DPCD: variants seen among roughly 807,000 people sequenced by gnomAD.
DPCD encodes the protein protein DPCD.
Under a neutral mutation model 26.4 loss-of-function variants are expected in DPCD, and 20 were observed. The ratio of observed to expected loss-of-function variants is 0.76; its 90% confidence interval spans 0.53 to 1.10. The LOEUF is 1.10. DPCD is among the 50% of genes least tolerant of loss of function. The pLI is 0.00. For synonymous variants in DPCD, 97 were observed against 94.2 expected (o/e 1.03, Z -0.17); for missense variants, 202 against 253.9 (o/e 0.80, Z 1.39).
At chr10:101,599,983 G>A (rs2063681161) in intron 2 of DPCD, among the ~76,000 whole-genome samples, 3 of 152,162 alleles carry the variant, frequency 2.0e-5, no homozygotes, top group African/African-American at 7.2e-5. Flanking sequence ...CATTCAACTA[G>A]TTTCTTGATT....
At chr10:101,602,969 C>A (rs9420863) in intron 4 of DPCD, among the ~76,000 whole-genome samples, 5,975 of 152,340 alleles carry the variant, frequency 0.039, 375 homozygotes, top group African/African-American at 0.13. Context: ...CCATAGGTGG[C>A]GCTGTTGGCC....
chr10:101,605,115 A>T (rs1319449419), intron 4 of DPCD: 1 of 1,550,490 alleles, frequency 6.4e-7, no homozygotes, highest in Non-Finnish European at 8.7e-7. Context: ...ATGTTTAAGA[A>T]GATTTGCTTG....
At chr10:101,594,509 G>A in intron 1 of DPCD, 149 bp from the exon 2 acceptor site, 1 of 686,400 alleles carries the variant, frequency 1.5e-6, no homozygotes. Flanking sequence ...AGTAATGGTG[G>A]GTGGTGGTTG....
intron 4 of DPCD, among the ~76,000 whole-genome samples, chr10:101,608,082 G>A (rs1296511274): frequency 6.6e-6 from 1 of 152,132 alleles, no homozygotes; most frequent in East Asian, 1.9e-4. Context: ...ATTACAGACT[G>A]GGTGTTGCCA....
chr10:101,601,046 G>C (rs1016730104), intron 3 of DPCD, among the ~76,000 whole-genome samples, 157 bp from the exon 4 acceptor site: 2 of 152,102 alleles, frequency 1.3e-5, no homozygotes, highest in Non-Finnish European at 2.9e-5. Flanking sequence ...GTCCCAGGGC[G>C]GGGGCTCAGG....
At chr10:101,607,266 G>A (rs2063738944) in intron 4 of DPCD, among the ~76,000 whole-genome samples, 1 of 152,210 alleles carries the variant, frequency 6.6e-6, no homozygotes, top group South Asian at 2.1e-4. Flanking sequence ...ATCAGTGTCT[G>A]CCACCTTTGC....
chr10:101,598,376 T>C (rs1020713412), intron 2 of DPCD, among the ~76,000 whole-genome samples: 5 of 152,162 alleles, frequency 3.3e-5, no homozygotes, highest in Admixed American at 6.5e-5. Context: ...CCTTTCAAAA[T>C]ATTACATGTG....
rs1019353465 is a variant in DPCD, at chr10:101,603,702, A to C, written c.404+2366A>C. On this transcript the variant is annotated intron_variant, in intron 4 of 5. Coordinates refer to ENST00000370151, the MANE Select transcript of DPCD (RefSeq NM_015448.3). This position sits in a 1 kb window ranked among gnomAD's most constrained non-coding sequence, Gnocchi z 4.6. The stretch of plus-strand genomic sequence containing the variant: ...AACCCAGGAGGTAGAGGTTGCAGTG[A>C]GCCAAGATCATGCCATTGCACTCCA... Among the ~76,000 whole-genome samples, 9 of 151,886 alleles carry C rather than the reference A, an allele frequency of 5.9e-5. No homozygotes were observed. Among genetic ancestry groups the C allele is most frequent in the Non-Finnish European group, 8.8e-5 (6 of 67,960 alleles).
Position 101,601,205 on chromosome 10 carries a change from T to C in DPCD, c.273T>C (p.Pro91=), listed in dbSNP as rs148691150. 118 of 1,613,618 alleles carry C rather than the reference T, an allele frequency of 7.3e-5. No homozygotes were observed. The highest frequency in any genetic ancestry group is 9.7e-5 in the Non-Finnish European group (115 of 1,179,946). Residue 91 remains proline (P), a splice_region_variant and synonymous_variant, in exon 4 of 6, where the codon CCT becomes CCC. Coordinates refer to ENST00000370151, the MANE Select transcript of DPCD (RefSeq NM_015448.3). ...PELIKESNAN[P]IFMRKDTKMS... ...CGAGTTGGATTTGCCTTCTGCAGCC[T>C]ATCTTCATGCGCAAGGACACCAAGA... is the stretch of plus-strand genomic sequence containing the variant.
chr10:101,593,456 C>G (rs1033368517), intron 1 of DPCD, among the ~76,000 whole-genome samples: 1 of 152,164 alleles, frequency 6.6e-6, no homozygotes, highest in African/African-American at 2.4e-5. Flanking sequence ...TGTTAGTGCT[C>G]TGTTACTAGT....
chr10:101,607,970 C>T (rs373336019), intron 4 of DPCD, among the ~76,000 whole-genome samples: 2 of 152,144 alleles, frequency 1.3e-5, no homozygotes, highest in Admixed American at 6.5e-5. Context: ...CCATCCCTAC[C>T]GACAACTGGC....
Position 101,588,342 on chromosome 10 carries a change from G to A in DPCD, c.6G>A (p.Ala2=). The A allele has an allele frequency of 1.3e-6, 2 of 1,599,336 alleles. No homozygotes were observed. The highest frequency in any genetic ancestry group is 1.1e-5 in the South Asian group (1 of 89,172). Residue 2 remains alanine, a synonymous_variant, in exon 1 of 6, where the codon GCG becomes GCA. Transcript: ENST00000370151. M[A]VTGWLESLRT... is the part of the protein sequence containing the mutation. The stretch of plus-strand genomic sequence containing the variant: ...TGCTGCTTAGCAGGGGAAAGATGGC[G>A]GTGACGGGCTGGTTGGAGAGTCTGC...
intron 2 of DPCD, among the ~76,000 whole-genome samples, chr10:101,599,842 C>T (rs2063679494): frequency 6.6e-6 from 1 of 152,116 alleles, no homozygotes; most frequent in African/African-American, 2.4e-5. Context: ...TGGGCAGCCC[C>T]GGATTCCAAA....
At chr10:101,605,064 G>A in intron 4 of DPCD, 2 of 1,547,502 alleles carry the variant, frequency 1.3e-6, no homozygotes, top group Non-Finnish European at 1.7e-6. Context: ...TCTAGCAGGG[G>A]GCGACTGTGG....
intron 4 of DPCD, among the ~76,000 whole-genome samples, chr10:101,606,607 A>G (rs1237915667): frequency 3.9e-5 from 6 of 152,186 alleles, no homozygotes; most frequent in Non-Finnish European, 8.8e-5. Flanking sequence ...ATGAGTCACC[A>G]GGCCCGCCCT....
Position 101,600,901 on chromosome 10 carries a change from T to TG in DPCD, c.270+44dup. 1 of 1,611,788 alleles carries TG rather than the reference T, an allele frequency of 6.2e-7. No individual in the cohort carries two copies. Among genetic ancestry groups the TG allele is most frequent in the Non-Finnish European group, 8.5e-7 (1 of 1,179,130 alleles). ...TCCAGGTGTCTTGCACGGACTGAGGTGGGGGTGGGCTGTGGGCTGCTGGCT... is the reference window on the plus strand; with the variant it reads ...TCCAGGTGTCTTGCACGGACTGAGGTGGGGGGTGGGCTGTGGGCTGCTGGCT... On this transcript the variant is annotated intron_variant, in intron 3 of 5. Transcript: ENST00000370151. This position sits in a 1 kb window ranked among gnomAD's most constrained non-coding sequence, Gnocchi z 4.7.
chr10:101,601,405 G>GT, intron 4 of DPCD, 69 bp downstream of exon 4: 1 of 1,494,514 alleles, frequency 6.7e-7, no homozygotes, highest in Non-Finnish European at 9.1e-7. Flanking sequence ...TTGATCTGGC[G>GT]TTAGGATCAT....
intron 1 of DPCD, among the ~76,000 whole-genome samples, chr10:101,592,209 A>G (rs1477015682): frequency 6.6e-6 from 1 of 152,200 alleles, no homozygotes; most frequent in African/African-American, 2.4e-5. Context: ...CAAAGAAAGA[A>G]AATATATAGT....
At chr10:101,590,808 A>G (rs2134751382) in intron 1 of DPCD, among the ~76,000 whole-genome samples, 1 of 152,220 alleles carries the variant, frequency 6.6e-6, no homozygotes, top group African/African-American at 2.4e-5. Context: ...TCCCCTGGCA[A>G]CCACCATTCT....
Sources: allele counts gnomAD v4.1 joint callset (sites outside exome capture counted in the v4.1 genomes callset), GRCh38; gene constraint gnomAD v4.1.1; non-coding constraint Gnocchi (gnomAD v3.1); transcripts MANE v1.5; gene names NCBI Gene and HGNC (gene_info 2026-07-23, HGNC 2026-07-21).